The following LYPD6B variants were observed in gnomAD, a reference collection of about 807,000 sequenced individuals.
LYPD6B encodes the protein ly6/PLAUR domain-containing protein 6B.
LYPD6B carries 17 observed loss-of-function variants against 22.8 expected under a neutral mutation model. That is an observed-to-expected ratio of 0.75 (90% CI 0.51 to 1.12). The LOEUF (loss-of-function observed/expected upper bound fraction) is 1.12. Ranked by LOEUF, LYPD6B falls within the 50% of genes most tolerant of loss-of-function variation. The pLI is 0.00. For missense variants in LYPD6B, 221 were observed against 258.3 expected (o/e 0.86, Z 0.99); for synonymous variants, 106 against 91.6 (o/e 1.16, Z -0.90).
At chr2:149,156,894 T>C (rs1167150022) in intron 2 of LYPD6B, among the ~76,000 whole-genome samples, 1 of 152,202 alleles carries the variant, frequency 6.6e-6, no homozygotes, top group East Asian at 1.9e-4. Flanking sequence ...TTCTTACCTT[T>C]GAGAATTGGA....
intron 1 of LYPD6B, among the ~76,000 whole-genome samples, chr2:149,056,289 A>G (rs74744340): frequency 9.2e-5 from 14 of 152,332 alleles, no homozygotes; most frequent in African/African-American, 3.1e-4. Flanking sequence ...TGGGATCCCA[A>G]AGATGAATGA....
intron 1 of LYPD6B, among the ~76,000 whole-genome samples, chr2:149,058,270 C>T (rs1354314098): frequency 6.6e-6 from 1 of 152,210 alleles, no homozygotes; most frequent in African/African-American, 2.4e-5. Context: ...TTCCTGGCCC[C>T]TACACTCCAA....
chr2:149,092,175 T>C (rs551742682), intron 1 of LYPD6B, among the ~76,000 whole-genome samples: 5 of 151,794 alleles, frequency 3.3e-5, no homozygotes, highest in African/African-American at 1.2e-4. Flanking sequence ...GGATTGGTGG[T>C]TGTGATTGTG....
At chr2:149,047,108 G>A (rs532118195) in intron 1 of LYPD6B, among the ~76,000 whole-genome samples, 1 of 152,120 alleles carries the variant, frequency 6.6e-6, no homozygotes, top group South Asian at 2.1e-4. Flanking sequence ...TTAAAATTAA[G>A]AGAAAAAATA....
chr2:149,054,696 C>A (rs1683709001), intron 1 of LYPD6B, among the ~76,000 whole-genome samples: 1 of 152,014 alleles, frequency 6.6e-6, no homozygotes, highest in Non-Finnish European at 1.5e-5. Flanking sequence ...GGCAATGCAG[C>A]AGATTCTGTC....
intron 3 of LYPD6B, among the ~76,000 whole-genome samples, chr2:149,178,165 T>A (rs752483219): frequency 6.6e-6 from 1 of 152,188 alleles, no homozygotes; most frequent in Non-Finnish European, 1.5e-5. Context: ...GACTAACTCG[T>A]GTTCCATTAG....
At chr2:149,093,251 T>C (rs1685749312) in intron 1 of LYPD6B, among the ~76,000 whole-genome samples, 1 of 151,940 alleles carries the variant, frequency 6.6e-6, no homozygotes, top group Non-Finnish European at 1.5e-5. Context: ...ATGTGTCGCA[T>C]TGGTGGTGGA....
chr2:149,142,218 G>A (rs959759951), intron 2 of LYPD6B: 3 of 152,220 alleles, frequency 2.0e-5, no homozygotes, highest in Non-Finnish European at 2.9e-5. Context: ...CTCCCCGGGT[G>A]ACTTCATCAC....
intron 1 of LYPD6B, among the ~76,000 whole-genome samples, chr2:149,060,898 G>C (rs1684046810): frequency 6.6e-6 from 1 of 152,132 alleles, no homozygotes; most frequent in South Asian, 2.1e-4. Context: ...CTTCCATGAG[G>C]GGCACTCGAC....
chr2:149,090,244 A>G (rs1685589280), intron 1 of LYPD6B, among the ~76,000 whole-genome samples: 2 of 152,226 alleles, frequency 1.3e-5, no homozygotes, highest in Non-Finnish European at 2.9e-5. Flanking sequence ...AAGGGCATAA[A>G]TCCAGCTTAA....
chr2:149,175,341 A>G (rs1364544111), intron 3 of LYPD6B, among the ~76,000 whole-genome samples: 1 of 152,148 alleles, frequency 6.6e-6, no homozygotes, highest in Non-Finnish European at 1.5e-5. Flanking sequence ...ACATGAAAGA[A>G]GTACAATAAA....
intron 1 of LYPD6B, among the ~76,000 whole-genome samples, chr2:149,120,115 C>T (rs1308126368): frequency 2.0e-5 from 3 of 151,948 alleles, no homozygotes; most frequent in Non-Finnish European, 4.4e-5. Flanking sequence ...GAATGCACCT[C>T]TGCTGTCACA....
rs1054153862 is a variant in LYPD6B, at chr2:149,038,761, G to C, written c.-107G>C. 25 of 151,450 alleles carry C rather than the reference G, an allele frequency of 1.7e-4. No homozygotes were observed. The highest frequency in any genetic ancestry group is 6.0e-4 in the African/African-American group (25 of 41,340). The allele number at this position is 151,450 out of a possible 1,614,324, so 9.4% of individuals were successfully genotyped here. A position where few individuals can be genotyped will look rare whatever the true frequency, so the allele number is the denominator to read the frequency against. ...GCGCTGGGAGCCTGGGCCGGGAGCC[G>C]GGTGAGGGCGCCGAGAGGCTCGGTG... On this transcript the variant is annotated 5_prime_UTR_variant, in exon 1 of 7. Coordinates refer to ENST00000409642, the MANE Select transcript of LYPD6B (RefSeq NM_177964.5).
intron 1 of LYPD6B, among the ~76,000 whole-genome samples, chr2:149,125,288 CTGGCCTGCAAGTTAGGAT>C (rs1018859542): frequency 5.9e-5 from 9 of 152,162 alleles, no homozygotes; most frequent in Non-Finnish European, 1.3e-4. Context: ...AAAGCCACAC[CTGGCCTGCAAGTTAGGAT>C]AAGTAGATTA....
intron 3 of LYPD6B, among the ~76,000 whole-genome samples, chr2:149,198,028 C>T (rs538874799): frequency 6.9e-6 from 1 of 144,794 alleles, no homozygotes; most frequent in East Asian, 2.2e-4. Flanking sequence ...AACATCTAAG[C>T]TTTTCTTTTT....
intron 1 of LYPD6B, among the ~76,000 whole-genome samples, chr2:149,063,778 C>T (rs989432600): frequency 1.3e-5 from 2 of 151,984 alleles, no homozygotes; most frequent in African/African-American, 4.8e-5. Context: ...TAGCCGGAAA[C>T]ATAATATGTA....
intron 1 of LYPD6B, among the ~76,000 whole-genome samples, chr2:149,052,246 A>G (rs564576452): frequency 4.1e-4 from 63 of 151,986 alleles, no homozygotes; most frequent in African/African-American, 1.5e-3. Context: ...TAGTAGAGAT[A>G]GGGGTTCACC....
intron 6 of LYPD6B, among the ~76,000 whole-genome samples, chr2:149,213,949 A>G (rs1165247069): frequency 6.6e-6 from 1 of 152,130 alleles, no homozygotes; most frequent in Non-Finnish European, 1.5e-5. Flanking sequence ...AGCCTCTATG[A>G]ATGGCTGGGT....
chr2:149,040,377 C>G (rs1683023610), intron 1 of LYPD6B, among the ~76,000 whole-genome samples: 1 of 152,062 alleles, frequency 6.6e-6, no homozygotes. Flanking sequence ...AGGCGCCGGC[C>G]ACCACGTGGG....
Sources: gnomAD v4.1 joint callset for allele counts (sites outside exome capture counted in the v4.1 genomes callset) on GRCh38, gnomAD v4.1.1 for gene constraint, MANE v1.5 for transcripts, NCBI Gene and HGNC (gene_info 2026-07-23, HGNC 2026-07-21) for gene names.